Variants in CPVL observed in about 807,000 individuals in gnomAD.
CPVL encodes the protein carboxypeptidase vitellogenic like.
CPVL carries 51 observed loss-of-function variants against 63.7 expected under a neutral mutation model. That is an observed-to-expected ratio of 0.80 (90% CI 0.64 to 1.01). The LOEUF is 1.01. CPVL is among the 50% of genes least tolerant of loss of function. The pLI is 0.00. For synonymous variants in CPVL, 195 were observed against 206.0 expected (o/e 0.95, Z 0.46); for missense variants, 530 against 573.1 (o/e 0.92, Z 0.77).
At chr7:29,159,062 TA>T (rs2128706299) in intron 5 of CPVL, among the ~76,000 whole-genome samples, 1 of 152,344 alleles carries the variant, frequency 6.6e-6, no homozygotes, top group African/African-American at 2.4e-5. Flanking sequence ...CCACCCATTT[TA>T]AAGCCCATTA....
upstream of CPVL, chr7:29,147,362 G>GT (rs1792890350): frequency 5.9e-6 from 1 of 169,674 alleles, no homozygotes; most frequent in Non-Finnish European, 1.3e-5. Flanking sequence ...AGCTGCAGGA[G>GT]TGAGCCCAGG....
At chr7:29,176,795 G>T (rs1177557019) in intron 5 of CPVL, among the ~76,000 whole-genome samples, 1 of 152,088 alleles carries the variant, frequency 6.6e-6, no homozygotes, top group Non-Finnish European at 1.5e-5. Context: ...AATACTAGAA[G>T]GAAGAGCATA....
chr7:29,100,441 G>A (rs559757630), intron 3 of CPVL, among the ~76,000 whole-genome samples: 2 of 152,286 alleles, frequency 1.3e-5, no homozygotes, highest in South Asian at 4.1e-4. Flanking sequence ...CCAAGGGTCT[G>A]AAGGTGGATG....
chr7:29,151,654 C>T (rs1233156992), intron 5 of CPVL, among the ~76,000 whole-genome samples: 2 of 152,134 alleles, frequency 1.3e-5, no homozygotes, highest in Admixed American at 1.3e-4. Flanking sequence ...ATGAACCTGC[C>T]AGTGTGCTCA....
At chr7:29,149,035 T>A (rs1314521475), upstream of CPVL, among the ~76,000 whole-genome samples, 1 of 152,098 alleles carries the variant, frequency 6.6e-6, no homozygotes, top group Non-Finnish European at 1.5e-5. Context: ...CTTGGACAGA[T>A]GGACTGTGCG....
chr7:29,158,302 T>G (rs1297057395), intron 5 of CPVL, among the ~76,000 whole-genome samples: 1 of 152,220 alleles, frequency 6.6e-6, no homozygotes, highest in African/African-American at 2.4e-5. Context: ...GACCTCAGTT[T>G]CCACCATCCT....
chr7:29,025,461 T>TA (rs2128147466), intron 12 of CPVL, among the ~76,000 whole-genome samples: 1 of 152,280 alleles, frequency 6.6e-6, no homozygotes, highest in African/African-American at 2.4e-5. Flanking sequence ...ACCAAGGGAT[T>TA]GGTGCAAAGC....
At chr7:29,173,166 T>TA (rs1796834914) in intron 5 of CPVL, among the ~76,000 whole-genome samples, 1 of 151,448 alleles carries the variant, frequency 6.6e-6, no homozygotes, top group Admixed American at 6.6e-5. Context: ...AGATAGTTTT[T>TA]AAAAAAACAT....
chr7:28,998,243 T>C (rs1009183756), intron 12 of CPVL, among the ~76,000 whole-genome samples: 17 of 152,282 alleles, frequency 1.1e-4, no homozygotes, highest in African/African-American at 4.1e-4. Flanking sequence ...AAGTCATATG[T>C]GTGACAAAAC....
chr7:29,126,867 C>T (rs1790079723), intron 1 of CPVL: 1 of 152,154 alleles, frequency 6.6e-6, no homozygotes, highest in Non-Finnish European at 1.5e-5. Flanking sequence ...GACAGAGTCT[C>T]ACTATGTTGA....
chr7:29,154,834 A>T (rs911053991), intron 5 of CPVL, among the ~76,000 whole-genome samples: 3 of 152,132 alleles, frequency 2.0e-5, no homozygotes, highest in Non-Finnish European at 4.4e-5. Context: ...GACTCCGTGT[A>T]TTAGTCCATT....
chr7:29,054,703 CTTTT>C (rs1355958319), intron 11 of CPVL, among the ~76,000 whole-genome samples: 1 of 152,136 alleles, frequency 6.6e-6, no homozygotes, highest in Non-Finnish European at 1.5e-5. Flanking sequence ...TTAAAAATGG[CTTTT>C]TTTCATTCTT....
chr7:29,126,711 A>G (rs578177863), intron 1 of CPVL: 1 of 152,248 alleles, frequency 6.6e-6, no homozygotes, highest in Non-Finnish European at 1.5e-5. Context: ...CAAAGGATAC[A>G]TATCTTTCAT....
intron 5 of CPVL, among the ~76,000 whole-genome samples, chr7:29,161,330 A>C (rs548257919): frequency 9.9e-5 from 15 of 152,174 alleles, no homozygotes; most frequent in African/African-American, 3.6e-4. Flanking sequence ...CCTATAGCAC[A>C]TCTTTCTCCT....
At chr7:29,074,672 G>T (rs367925893) in intron 7 of CPVL, among the ~76,000 whole-genome samples, 20 of 151,784 alleles carry the variant, frequency 1.3e-4, no homozygotes, top group African/African-American at 4.6e-4. Context: ...ATGATAGTGA[G>T]GGAGTTCTCA....
intron 11 of CPVL, among the ~76,000 whole-genome samples, chr7:29,057,932 T>C (rs964760801): frequency 2.2e-4 from 33 of 152,212 alleles, no homozygotes; most frequent in African/African-American, 8.0e-4. Context: ...TGTAGCTTTA[T>C]GGTAAGTCTT....
At chr7:29,074,640 C>T (rs1319129316) in intron 7 of CPVL, among the ~76,000 whole-genome samples, 1 of 151,694 alleles carries the variant, frequency 6.6e-6, no homozygotes, top group African/African-American at 2.4e-5. Flanking sequence ...ATCATGGGGG[C>T]AGTTTCCCCC....
chr7:29,069,183 T>C (rs1783454872), intron 9 of CPVL, among the ~76,000 whole-genome samples: 1 of 151,136 alleles, frequency 6.6e-6, no homozygotes, highest in Non-Finnish European at 1.5e-5. Flanking sequence ...CTCACAGCTG[T>C]AATCCCAGCA....
At chr7:29,175,524 A>T (rs245911) in intron 5 of CPVL, among the ~76,000 whole-genome samples, 102,262 of 151,856 alleles carry the variant, frequency 0.67, 35,402 homozygotes, top group East Asian at 0.99. Flanking sequence ...TGGCTCTCAT[A>T]CTCTCTTGCC....
Sources: allele counts gnomAD v4.1 joint callset (sites outside exome capture counted in the v4.1 genomes callset), GRCh38; gene constraint gnomAD v4.1.1; transcripts MANE v1.5; gene names NCBI Gene and HGNC (gene_info 2026-07-23, HGNC 2026-07-21).